The following ADSS1 variants were observed in gnomAD, a reference collection of about 807,000 sequenced individuals.
ADSS1 encodes the protein adenylosuccinate synthase 1, also known as adenylosuccinate synthetase isozyme 1.
In ADSS1, 57 loss-of-function variants were observed where a neutral mutation model predicts 59.1. That is an observed-to-expected ratio of 0.97 (90% CI 0.78 to 1.20). ADSS1 has a LOEUF of 1.20. Among genes scored for constraint, ADSS1 ranks in the 50% most tolerant of loss-of-function variants. The pLI, the probability that ADSS1 is intolerant of heterozygous loss-of-function variation, is 0.00. For missense variants in ADSS1, 603 were observed against 610.3 expected (o/e 0.99, Z 0.13); for synonymous variants, 247 against 249.4 (o/e 0.99, Z 0.09).
chr14:104,735,276 G>T (rs12885496), intron 2 of ADSS1, among the ~76,000 whole-genome samples, 154 bp downstream of exon 2: 16,467 of 152,270 alleles, frequency 0.11, 914 homozygotes, highest in Non-Finnish European at 0.12. Flanking sequence ...CCAGGCACTG[G>T]TGCACAGAAA....
chr14:104,732,377 T>G (rs966622642), intron 1 of ADSS1, among the ~76,000 whole-genome samples: 6 of 152,178 alleles, frequency 3.9e-5, no homozygotes, highest in Non-Finnish European at 4.4e-5. Flanking sequence ...CCTGACGTCC[T>G]GAGACCTCAA....
chr14:104,743,613 C>A (rs552786123), intron 10 of ADSS1: 5 of 176,442 alleles, frequency 2.8e-5, no homozygotes, highest in African/African-American at 1.2e-4. Context: ...CCCAGCTGTT[C>A]GGGCTGTCTC....
intron 12 of ADSS1, 67 bp from the exon 13 acceptor site, chr14:104,746,884 T>C: frequency 6.5e-7 from 1 of 1,548,356 alleles, no homozygotes; most frequent in Non-Finnish European, 8.9e-7. Context: ...GATACGACAC[T>C]AAAGACAACT....
At chr14:104,729,073 G>A (rs1390589185) in intron 1 of ADSS1, among the ~76,000 whole-genome samples, 1 of 152,190 alleles carries the variant, frequency 6.6e-6, no homozygotes, top group Non-Finnish European at 1.5e-5. Flanking sequence ...GTTGCTGCAG[G>A]TAGGGCTGAC....
intron 1 of ADSS1, among the ~76,000 whole-genome samples, chr14:104,732,987 G>C (rs997226764): frequency 6.6e-6 from 1 of 152,154 alleles, no homozygotes; most frequent in African/African-American, 2.4e-5. Flanking sequence ...CCGATGGACT[G>C]AACCTGTGCG....
chr14:104,724,914 C>G (rs1890676422), intron 1 of ADSS1, among the ~76,000 whole-genome samples: 1 of 152,170 alleles, frequency 6.6e-6, no homozygotes, highest in South Asian at 2.1e-4. Context: ...ACCTGGCTCC[C>G]CGCAAGGTCT....
chr14:104,740,103 TGACTCCACACGGCCCCAGGGAA>T lies in ADSS1; in HGVS notation c.476+291_476+312del, dbSNP rs1891286403. ...CACCTGTCACACCCACCACCTTTCCTGACTCCACACGGCCCCAGGGAAGACACGAGGAACACTAAAGCAGTTT... is the reference window on the plus strand; with the variant it reads ...CACCTGTCACACCCACCACCTTTCCTGACACGAGGAACACTAAAGCAGTTT... On this transcript the variant is annotated intron_variant, in intron 5 of 12. Coordinates refer to ENST00000330877, the MANE Select transcript of ADSS1 (RefSeq NM_152328.5). This position sits in a 1 kb window ranked among gnomAD's most constrained non-coding sequence, Gnocchi z 4.8. Among the ~76,000 whole-genome samples, 2 of 152,088 alleles carry T rather than the reference TGACTCCACACGGCCCCAGGGAA, an allele frequency of 1.3e-5. No individual in the cohort carries two copies. The highest frequency in any genetic ancestry group is 4.8e-5 in the African/African-American group (2 of 41,386).
rs1891450885 is a variant in ADSS1, at chr14:104,743,518, G to C, written c.1073+327G>C. The C allele has an allele frequency of 1.1e-5, 3 of 279,876 alleles. No homozygotes were observed. In the South Asian group the frequency reaches 1.2e-4, roughly 11 times the overall value. 17.3% of individuals were successfully genotyped at this position (279,876 alleles called of 1,614,324 possible). ...GGACGAAAGGATGCACTGTCATCCT[G>C]CTAGAAGGACGGCAGCATGGGTGCC... On this transcript the variant is annotated intron_variant, in intron 10 of 12. Coordinates refer to ENST00000330877, the MANE Select transcript of ADSS1 (RefSeq NM_152328.5).
chr14:104,733,133 A>C (rs141699431), intron 1 of ADSS1, among the ~76,000 whole-genome samples: 1 of 151,104 alleles, frequency 6.6e-6, no homozygotes, highest in Non-Finnish European at 1.5e-5. Flanking sequence ...CAAGGCCTCC[A>C]GGTGCCCTCA....
chr14:104,739,793 G>T lies in ADSS1; in HGVS notation c.453G>T (p.Gln151His). ...HQAVDGLQEV[Q>H]RQAQEGKNIG... is the part of the protein sequence containing the mutation. ...CTGTCGACGGACTTCAGGAAGTGCA[G>T]CGCCAGGCACAAGAGGGGAAGAAGT... Residue 151 changes from glutamine to histidine, a missense_variant, in exon 5 of 13, where the codon CAG becomes CAT. Coordinates refer to ENST00000330877, the MANE Select transcript of ADSS1 (RefSeq NM_152328.5). 1 of 1,613,926 alleles carries T rather than the reference G, an allele frequency of 6.2e-7. No homozygotes were observed. Among genetic ancestry groups the T allele is most frequent in the Non-Finnish European group, 8.5e-7 (1 of 1,179,992 alleles).
intron 10 of ADSS1, 120 bp from the exon 11 acceptor site, chr14:104,744,692 A>G (rs868181618): frequency 1.1e-6 from 1 of 875,374 alleles, no homozygotes; most frequent in Middle Eastern, 3.5e-4. Flanking sequence ...ACTGGTCCAC[A>G]GCCCAGGGAC....
chr14:104,739,383 G>A lies in ADSS1; in HGVS notation c.409+5G>A, dbSNP rs772220453. 58 of 1,603,044 alleles carry A rather than the reference G, an allele frequency of 3.6e-5. No individual in the cohort carries two copies. Among genetic ancestry groups the A allele is most frequent in the Admixed American group, 8.6e-5 (5 of 58,418 alleles). On this transcript the variant is annotated splice_donor_5th_base_variant and intron_variant, in intron 4 of 12. Transcript: ENST00000330877. Reference sequence around the variant, plus strand: ...TCTCTGACAGAGCCCACCTTGGTACGTTTCCCACTGGAGTACAGGGAACAG... The same window carrying A: ...TCTCTGACAGAGCCCACCTTGGTACATTTCCCACTGGAGTACAGGGAACAG...
chr14:104,736,321 G>T (rs1422479055), intron 2 of ADSS1, among the ~76,000 whole-genome samples: 1 of 152,232 alleles, frequency 6.6e-6, no homozygotes, highest in Non-Finnish European at 1.5e-5. Flanking sequence ...GGGTTGTGCT[G>T]CAGGAAGCCC....
At chr14:104,745,328 C>A (rs905837980) in intron 11 of ADSS1, 1 of 159,862 alleles carries the variant, frequency 6.3e-6, no homozygotes, top group Non-Finnish European at 1.4e-5. Flanking sequence ...TGAGAAAATA[C>A]GCTTTGTGGC....
chr14:104,744,515 G>A (rs1891484960), intron 10 of ADSS1: 3 of 296,768 alleles, frequency 1.0e-5, no homozygotes, highest in Non-Finnish European at 1.3e-5. Context: ...TCAGGCATTC[G>A]ATTCTCACAA....
chr14:104,739,646 C>A, intron 4 of ADSS1, 104 bp from the exon 5 acceptor site: 3 of 1,314,418 alleles, frequency 2.3e-6, no homozygotes, highest in African/African-American at 1.4e-5. Flanking sequence ...TCAACCACCC[C>A]CTTCCCAGGA....
chr14:104,741,153 G>A lies in ADSS1; in HGVS notation c.703G>A (p.Gly235Ser), dbSNP rs367919389. Reference sequence around the variant, plus strand: ...GCGGATCAGACCCATGGTCCGAGATGGTGTTTACTTTATGTATGAGGCACT... The same window carrying A: ...GCGGATCAGACCCATGGTCCGAGATAGTGTTTACTTTATGTATGAGGCACT... The part of the protein sequence containing the change: ...AERIRPMVRD[G>S]VYFMYEALHG... Residue 235 changes from glycine (G) to serine (S), a missense_variant, in exon 8 of 13, where the codon GGT becomes AGT. Transcript: ENST00000330877. 6 of 1,611,262 alleles carry A rather than the reference G, an allele frequency of 3.7e-6. No homozygotes were observed. The African/African-American group carries it at 6.7e-5, about 18-fold the overall frequency.
rs534812391 is a variant in ADSS1 at position 104,740,498 on chromosome 14, T to C, written c.477-103T>C. On this transcript the variant is annotated intron_variant, in intron 5 of 12. Transcript: ENST00000330877. This position sits in a 1 kb window ranked among gnomAD's most constrained non-coding sequence, Gnocchi z 4.8. ...CTCAGCCAGACACAGGCAGCAATGG[T>C]GGGCACTGGAGTCATGAGCCGGCGG... 12 of 965,390 alleles carry C rather than the reference T, an allele frequency of 1.2e-5. No individual in the cohort carries two copies. The African/African-American group carries it at 1.3e-4, about 11-fold the overall frequency. The allele number at this position is 965,390 out of a possible 1,614,324, so 59.8% of individuals were successfully genotyped here.
At chr14:104,742,097 C>T (rs1033242703) in intron 9 of ADSS1, 95 bp downstream of exon 9, 23 of 1,500,252 alleles carry the variant, frequency 1.5e-5, no homozygotes, top group Middle Eastern at 2.4e-4. Flanking sequence ...GGAGGCTCTG[C>T]GGACCTTGCC....
Sources: gnomAD v4.1 joint callset for allele counts (sites outside exome capture counted in the v4.1 genomes callset) on GRCh38, gnomAD v4.1.1 for gene constraint, Gnocchi (gnomAD v3.1) non-coding constraint, MANE v1.5 for transcripts, NCBI Gene and HGNC (gene_info 2026-07-23, HGNC 2026-07-21) for gene names.